The following PPIB variants were observed in gnomAD, a reference collection of about 807,000 sequenced individuals.
The protein encoded by PPIB is peptidylprolyl isomerase B.
PPIB carries 15 observed loss-of-function variants against 20.1 expected under a neutral mutation model. The observed-to-expected ratio is 0.75, with a 90% CI of 0.50 to 1.15. PPIB has a LOEUF of 1.15. PPIB is among the 50% of genes most tolerant of loss of function. PPIB has a pLI of 0.00. For missense variants in PPIB, 278 were observed against 283.0 expected (o/e 0.98, Z 0.13); for synonymous variants, 129 against 111.0 (o/e 1.16, Z -1.02).
chr15:64,160,303 GAC>G lies in PPIB; in HGVS notation c.250-108_250-107del. ...GTCCACAACTCCTGCTCGCAGAAGA[GAC>G]ACCACTGCTGACCACTTTCACTGTT... On this transcript the variant is annotated intron_variant, in intron 2 of 4. Transcript: ENST00000300026. The surrounding 1 kb of genome is among the most constrained non-coding windows in gnomAD (Gnocchi z 4.8). The G allele has an allele frequency of 1.1e-6, 1 of 918,458 alleles. No individual in the cohort carries two copies. The highest frequency in any genetic ancestry group is 1.4e-5 in the South Asian group (1 of 73,550). 56.9% of individuals were successfully genotyped at this position (918,458 alleles called of 1,614,324 possible). A position where few individuals can be genotyped will look rare whatever the true frequency, so the allele number is the denominator to read the frequency against.
chr15:64,155,985 T>C lies in PPIB; in HGVS notation c.*38A>G, dbSNP rs1476624666. The C allele has an allele frequency of 1.9e-6, 3 of 1,613,912 alleles. No individual in the cohort carries two copies. The highest frequency in any genetic ancestry group is 1.7e-5 in the Admixed American group (1 of 60,026). On this transcript the variant is annotated 3_prime_UTR_variant, in exon 5 of 5. Transcript: ENST00000300026. ...GAGCCCTGTGGCGGACTACAGGGCC[T>C]GCACAGACGGTCACTCAAAGAAAGA...
In PPIB at chr15:64,161,134, G is replaced by T. The variant is rs1048478441; in HGVS notation, c.249+907C>A. 6.6e-6 allele frequency among the ~76,000 whole-genome samples: 1 copy of T among 151,180 alleles called. No individual in the cohort carries two copies. The highest frequency in any genetic ancestry group is 1.5e-5 in the Non-Finnish European group (1 of 67,828). On this transcript the variant is annotated intron_variant, in intron 2 of 4. Transcript: ENST00000300026. The surrounding 1 kb of genome is among the most constrained non-coding windows in gnomAD (Gnocchi z 4.2). Reference sequence around the variant, plus strand: ...TACCACTACACCTGGCTAATTTTTTGTATTTTTAGTAGAGACAGGATTTCG... The same window carrying T: ...TACCACTACACCTGGCTAATTTTTTTTATTTTTAGTAGAGACAGGATTTCG...
Position 64,162,044 on chromosome 15 carries a change from TC to T in PPIB, c.245del (p.Gly82GlufsTer15), listed in dbSNP as rs1263186015. Reference protein sequence around the residue: ...TVDNFVALATGEKGFGYKNSK... With the variant: ...TVDNFVALATXEKGFGYKNSK... ...TACCCCTGCTCCAGCCACTTACCTC[TC>T]CTGTAGCTAAGGCCACAAAATTATC... On this transcript the variant is annotated frameshift_variant, in exon 2 of 5. Transcript: ENST00000300026. LOFTEE classifies it high-confidence loss of function. 1.9e-6 allele frequency: 3 copies of T among 1,607,960 alleles called. No individual in the cohort carries two copies. Among genetic ancestry groups the T allele is most frequent in the Non-Finnish European group, 8.5e-7 (1 of 1,174,404 alleles).
chr15:64,162,769 G>C, intron 1 of PPIB, 83 bp downstream of exon 1: 2 of 1,556,728 alleles, frequency 1.3e-6, no homozygotes. Flanking sequence ...CAGAAGCCGA[G>C]GGAGGAGGGG....
In PPIB at chr15:64,156,919, A is replaced by AAGAC; in HGVS notation, c.344-14_344-11dup. On this transcript the variant is annotated splice_polypyrimidine_tract_variant and intron_variant, in intron 3 of 4. Coordinates refer to ENST00000300026, the MANE Select transcript of PPIB (RefSeq NM_000942.5). This position sits in a 1 kb window ranked among gnomAD's most constrained non-coding sequence, Gnocchi z 6.4. ...CCGTAGATGCTCTTTCCTGGGAAAA[A>AAGAC]AGACAGAGCAGGTCAGGGGCGCTGG... is the stretch of plus-strand genomic sequence containing the variant. 1 of 1,613,952 alleles carries AAGAC rather than the reference A, an allele frequency of 6.2e-7. No individual in the cohort carries two copies. Among genetic ancestry groups the AAGAC allele is most frequent in the Non-Finnish European group, 8.5e-7 (1 of 1,179,912 alleles).
In PPIB at chr15:64,157,833, G is replaced by A. The variant is rs1008440396; in HGVS notation, c.344-924C>T. On this transcript the variant is annotated intron_variant, in intron 3 of 4. Transcript: ENST00000300026. The surrounding 1 kb of genome is among the most constrained non-coding windows in gnomAD (Gnocchi z 4.2). ...CAACCAGGAAGATGTTTCTGATTGG[G>A]CAGCAGGTAGGATGACTGAAAACCA... Among the ~76,000 whole-genome samples the A allele has an allele frequency of 6.6e-6, 1 of 152,192 alleles. No homozygotes were observed. Among genetic ancestry groups the A allele is most frequent in the Non-Finnish European group, 1.5e-5 (1 of 68,040 alleles).
Position 64,155,920 on chromosome 15 carries a change from C to G in PPIB, c.*103G>C. The G allele has an allele frequency of 6.4e-7, 1 of 1,569,962 alleles. No homozygotes were observed. The stretch of plus-strand genomic sequence containing the variant: ...CCTGTGGAATGTGAGGGGAGTGGGT[C>G]CGCTCCACCAGATGCCAGCACCGGG... On this transcript the variant is annotated 3_prime_UTR_variant, in exon 5 of 5. Coordinates refer to ENST00000300026, the MANE Select transcript of PPIB (RefSeq NM_000942.5).
At position 64,160,624 on chromosome 15, in the gene PPIB, CT is replaced by C. The variant is rs1252113264; in HGVS notation, c.250-428del. Among the ~76,000 whole-genome samples, 3 of 152,172 alleles carry C rather than the reference CT, an allele frequency of 2.0e-5. No homozygotes were observed. Among genetic ancestry groups the C allele is most frequent in the African/African-American group, 7.2e-5 (3 of 41,434 alleles). On this transcript the variant is annotated intron_variant, in intron 2 of 4. Coordinates refer to ENST00000300026, the MANE Select transcript of PPIB (RefSeq NM_000942.5). The surrounding 1 kb of genome is among the most constrained non-coding windows in gnomAD (Gnocchi z 4.8). ...CCCAGGAAGCTCTGGACCCCTTACT[CT>C]TTTTTATCTCATTTTTTAAATTTTA...
Position 64,156,541 on chromosome 15 carries a change from C to A in PPIB, c.528+184G>T. ...CCTTCCTGGCTGGGCTCTGAGGGGG[C>A]TGGAAGAATTTAGAACCTTGGAGGC... On this transcript the variant is annotated intron_variant, in intron 4 of 4. Coordinates refer to ENST00000300026, the MANE Select transcript of PPIB (RefSeq NM_000942.5). The surrounding 1 kb of genome is among the most constrained non-coding windows in gnomAD (Gnocchi z 6.4). 1.3e-6 allele frequency: 1 copy of A among 791,138 alleles called. No individual in the cohort carries two copies. The highest frequency in any genetic ancestry group is 2.1e-6 in the Non-Finnish European group (1 of 470,578). The allele number at this position is 791,138 out of a possible 1,614,324, so 49.0% of individuals were successfully genotyped here.
chr15:64,156,351 T>C lies in PPIB; in HGVS notation c.529-206A>G. On this transcript the variant is annotated intron_variant, in intron 4 of 4. Coordinates refer to ENST00000300026, the MANE Select transcript of PPIB (RefSeq NM_000942.5). This position sits in a 1 kb window ranked among gnomAD's most constrained non-coding sequence, Gnocchi z 6.4. ...GAGGGGGTACAGGAATTTTGTTCCT[T>C]TGAAGTAAGACCCAGGTTGGGCCAA... 1 of 736,244 alleles carries C rather than the reference T, an allele frequency of 1.4e-6. No homozygotes were observed. Among genetic ancestry groups the C allele is most frequent in the Non-Finnish European group, 2.3e-6 (1 of 437,576 alleles). 45.6% of individuals were successfully genotyped at this position (736,244 alleles called of 1,614,324 possible).
Position 64,156,110 on chromosome 15 carries a change from G to C in PPIB, c.564C>G (p.Asp188Glu), listed in dbSNP as rs1353135775. ...VVRKVESTKT[D>E]SRDKPLKDVI... ...CATCCTTCAGGGGTTTATCCCGGCT[G>C]TCTGTCTTGGTGCTCTCCACCTTCC... Residue 188 changes from aspartate (D) to glutamate (E), a missense_variant, in exon 5 of 5, where the codon GAC becomes GAG. Physicochemically the swap from Asp to Glu is conservative, Grantham distance 45. Coordinates refer to ENST00000300026, the MANE Select transcript of PPIB (RefSeq NM_000942.5). The surrounding 1 kb of genome is among the most constrained non-coding windows in gnomAD (Gnocchi z 6.4). The C allele has an allele frequency of 6.2e-7, 1 of 1,614,206 alleles. No homozygotes were observed. The highest frequency in any genetic ancestry group is 8.5e-7 in the Non-Finnish European group (1 of 1,180,048).
rs1596030227 is a variant in PPIB at position 64,159,896 on chromosome 15, A to C, written c.343+208T>G. ...ACCTGGGAGAGATTCTCTTAGATCT[A>C]CCATCAGGTCCACCCCATTATTCTC... On this transcript the variant is annotated intron_variant, in intron 3 of 4. Coordinates refer to ENST00000300026, the MANE Select transcript of PPIB (RefSeq NM_000942.5). The surrounding 1 kb of genome is among the most constrained non-coding windows in gnomAD (Gnocchi z 5.1). 3.2e-6 allele frequency: 2 copies of C among 625,442 alleles called. No homozygotes were observed. Among genetic ancestry groups the C allele is most frequent in the East Asian group, 5.5e-5 (2 of 36,430 alleles). 38.7% of individuals were successfully genotyped at this position (625,442 alleles called of 1,614,324 possible). A position where few individuals can be genotyped will look rare whatever the true frequency, so the allele number is the denominator to read the frequency against.
At position 64,160,320 on chromosome 15, in the gene PPIB, C is replaced by T; in HGVS notation, c.250-123G>A. ...GCAGAAGAGACACCACTGCTGACCACTTTCACTGTTCAGTGTGCTACTAAG... is the reference window on the plus strand; with the variant it reads ...GCAGAAGAGACACCACTGCTGACCATTTTCACTGTTCAGTGTGCTACTAAG... On this transcript the variant is annotated intron_variant, in intron 2 of 4. Coordinates refer to ENST00000300026, the MANE Select transcript of PPIB (RefSeq NM_000942.5). This position sits in a 1 kb window ranked among gnomAD's most constrained non-coding sequence, Gnocchi z 4.8. The T allele has an allele frequency of 1.3e-6, 1 of 796,970 alleles. No individual in the cohort carries two copies. Among genetic ancestry groups the T allele is most frequent in the South Asian group, 1.4e-5 (1 of 69,878 alleles). 49.4% of individuals were successfully genotyped at this position (796,970 alleles called of 1,614,324 possible). A position where few individuals can be genotyped will look rare whatever the true frequency, so the allele number is the denominator to read the frequency against.
intron 1 of PPIB, among the ~76,000 whole-genome samples, chr15:64,162,540 G>A (rs2081568671): frequency 6.6e-6 from 1 of 152,228 alleles, no homozygotes; most frequent in African/African-American, 2.4e-5. Flanking sequence ...AGGAGAGAAA[G>A]GATTCGGAAT....
chr15:64,162,645 C>A (rs1382930768), intron 1 of PPIB, among the ~76,000 whole-genome samples: 1 of 152,202 alleles, frequency 6.6e-6, no homozygotes, highest in Non-Finnish European at 1.5e-5. Context: ...AGATGGGTAT[C>A]CGGGGATCCA....
chr15:64,155,970 G>T lies in PPIB; in HGVS notation c.*53C>A. 6.2e-7 allele frequency: 1 copy of T among 1,613,322 alleles called. No homozygotes were observed. The stretch of plus-strand genomic sequence containing the variant: ...GGCCAGTGCAGCTCAGAGCCCTGTG[G>T]CGGACTACAGGGCCTGCACAGACGG... On this transcript the variant is annotated 3_prime_UTR_variant, in exon 5 of 5. Coordinates refer to ENST00000300026, the MANE Select transcript of PPIB (RefSeq NM_000942.5).
rs1416159640 is a variant in PPIB at position 64,158,795 on chromosome 15, C to A, written c.343+1309G>T. 2.0e-5 allele frequency among the ~76,000 whole-genome samples: 3 copies of A among 152,252 alleles called. No homozygotes were observed. Among genetic ancestry groups the A allele is most frequent in the African/African-American group, 7.2e-5 (3 of 41,468 alleles). On this transcript the variant is annotated intron_variant, in intron 3 of 4. Transcript: ENST00000300026. The surrounding 1 kb of genome is among the most constrained non-coding windows in gnomAD (Gnocchi z 4.7). ...CAAATTCTCCTCATTGAGGACCCCA[C>A]TGAAATCTTTCCTCACATCCGCAAG...
rs2081560334 is a variant in PPIB, at chr15:64,160,888, G to A, written c.250-691C>T. 6.6e-6 allele frequency among the ~76,000 whole-genome samples: 1 copy of A among 152,172 alleles called. No individual in the cohort carries two copies. Among genetic ancestry groups the A allele is most frequent in the Non-Finnish European group, 1.5e-5 (1 of 68,038 alleles). Reference sequence around the variant, plus strand: ...TGCTCTCAAACTCCTAAACTCACATGATCTGCCCTCCTCCGCCTCCCAAAG... The same window carrying A: ...TGCTCTCAAACTCCTAAACTCACATAATCTGCCCTCCTCCGCCTCCCAAAG... On this transcript the variant is annotated intron_variant, in intron 2 of 4. Coordinates refer to ENST00000300026, the MANE Select transcript of PPIB (RefSeq NM_000942.5). This position sits in a 1 kb window ranked among gnomAD's most constrained non-coding sequence, Gnocchi z 4.8.
At position 64,160,068 on chromosome 15, in the gene PPIB, C is replaced by A; in HGVS notation, c.343+36G>T. Reference sequence around the variant, plus strand: ...TGGCCCTCCCACTGTGGAGGCTACACTGACATACTCCTTGGCCCAGAGGAC... The same window carrying A: ...TGGCCCTCCCACTGTGGAGGCTACAATGACATACTCCTTGGCCCAGAGGAC... On this transcript the variant is annotated intron_variant, in intron 3 of 4. Transcript: ENST00000300026. This position sits in a 1 kb window ranked among gnomAD's most constrained non-coding sequence, Gnocchi z 4.8. The A allele has an allele frequency of 6.4e-7, 1 of 1,551,298 alleles. No individual in the cohort carries two copies. Among genetic ancestry groups the A allele is most frequent in the Non-Finnish European group, 8.9e-7 (1 of 1,122,938 alleles).
Sources: allele counts gnomAD v4.1 joint callset (sites outside exome capture counted in the v4.1 genomes callset), GRCh38; gene constraint gnomAD v4.1.1; non-coding constraint Gnocchi (gnomAD v3.1); transcripts MANE v1.5; gene names NCBI Gene and HGNC (gene_info 2026-07-23, HGNC 2026-07-21).